LSM14A: variants seen among roughly 807,000 people sequenced by gnomAD.
LSM14A encodes protein LSM14 homolog A.
Under a neutral mutation model 52.4 loss-of-function variants are expected in LSM14A, and 14 were observed. The ratio of observed to expected loss-of-function variants is 0.27; its 90% CI spans 0.18 to 0.42. The LOEUF is 0.42. Ranked by LOEUF, LSM14A falls within the 10% of genes least tolerant of loss-of-function variation. The pLI is 1.00. For missense variants in LSM14A, 417 were observed against 581.8 expected (o/e 0.72, Z 2.91); for synonymous variants, 185 against 200.3 (o/e 0.92, Z 0.64).
chr19:34,199,999 C>T (rs137969154), intron 3 of LSM14A, among the ~76,000 whole-genome samples: 3 of 152,294 alleles, frequency 2.0e-5, no homozygotes, highest in East Asian at 3.9e-4. Context: ...TTACCAACTT[C>T]GTTGAGTGCT....
At chr19:34,208,177 T>G (rs1409947281) in intron 3 of LSM14A, 2 of 152,244 alleles carry the variant, frequency 1.3e-5, no homozygotes, top group African/African-American at 4.8e-5. Context: ...ACATTTATAT[T>G]TTGTAAAGAA....
chr19:34,207,047 G>T (rs546191826), intron 3 of LSM14A, among the ~76,000 whole-genome samples: 2 of 152,342 alleles, frequency 1.3e-5, no homozygotes, highest in Admixed American at 6.5e-5. Flanking sequence ...TTAACAAGAG[G>T]TGTTGCAGCA....
chr19:34,192,983 A>G (rs1428270329), intron 1 of LSM14A, among the ~76,000 whole-genome samples: 1 of 152,098 alleles, frequency 6.6e-6, no homozygotes. Context: ...CATCTCAAAA[A>G]AAAAGAAAAA....
chr19:34,219,082 CATTA>C (rs1188419580), intron 6 of LSM14A, among the ~76,000 whole-genome samples: 2 of 152,172 alleles, frequency 1.3e-5, no homozygotes, highest in Non-Finnish European at 2.9e-5. Context: ...AAGGAGCATA[CATTA>C]ATTTAGTGCA....
chr19:34,190,584 A>G (rs1405950243), intron 1 of LSM14A, among the ~76,000 whole-genome samples: 2 of 150,048 alleles, frequency 1.3e-5, no homozygotes, highest in African/African-American at 4.9e-5. Context: ...ACATGATGAG[A>G]GATGAAAGTG....
intron 6 of LSM14A, among the ~76,000 whole-genome samples, chr19:34,218,691 A>G (rs868850717): frequency 1.2e-4 from 18 of 152,152 alleles, no homozygotes; most frequent in Middle Eastern, 3.4e-3. Flanking sequence ...TTTCACTATA[A>G]ATTATGCTGC....
chr19:34,184,031 C>T (rs979143627), intron 1 of LSM14A, among the ~76,000 whole-genome samples: 3 of 149,174 alleles, frequency 2.0e-5, no homozygotes, highest in Non-Finnish European at 4.5e-5. Context: ...CTCTGATCTA[C>T]TTTCTTTTCT....
rs919083388 is a variant in LSM14A, at chr19:34,214,270, A to T, written c.539-854A>T. 2.0e-5 allele frequency among the ~76,000 whole-genome samples: 3 copies of T among 151,822 alleles called. No individual in the cohort carries two copies. The East Asian group carries it at 5.8e-4, about 29-fold the overall frequency. On this transcript the variant is annotated intron_variant, in intron 4 of 9. Coordinates refer to ENST00000544216, the MANE Select transcript of LSM14A (RefSeq NM_015578.4). ...CCTAAAGCATTAAAGAACTTCACCT[A>T]TCTAACTTTGTAGTTCTTTTACTTT...
At chr19:34,195,447 G>T (rs1465721060) in intron 2 of LSM14A, 1 of 151,878 alleles carries the variant, frequency 6.6e-6, no homozygotes, top group Non-Finnish European at 1.5e-5. Context: ...CAAAGTGCTG[G>T]GATTACAGGC....
intron 1 of LSM14A, among the ~76,000 whole-genome samples, chr19:34,179,208 A>C (rs2145490542): frequency 6.6e-6 from 1 of 152,360 alleles, no homozygotes; most frequent in Middle Eastern, 3.4e-3. Flanking sequence ...AGATTGGTGG[A>C]AGAATAGAAA....
chr19:34,173,213 T>G (rs147824884), intron 1 of LSM14A, among the ~76,000 whole-genome samples: 2 of 152,368 alleles, frequency 1.3e-5, no homozygotes, highest in East Asian at 3.9e-4. Flanking sequence ...GCGATCTTCC[T>G]CTGGTGAACT....
chr19:34,217,536 A>G (rs1010650540), intron 6 of LSM14A, among the ~76,000 whole-genome samples: 7 of 150,002 alleles, frequency 4.7e-5, no homozygotes, highest in African/African-American at 1.5e-4. Context: ...TAATTTTAGA[A>G]ATCTAGATAT....
At chr19:34,178,684 T>G (rs1002467847) in intron 1 of LSM14A, among the ~76,000 whole-genome samples, 4 of 152,254 alleles carry the variant, frequency 2.6e-5, no homozygotes, top group Non-Finnish European at 4.4e-5. Context: ...TTTTAGCTTA[T>G]TGTTCTTGTA....
intron 6 of LSM14A, among the ~76,000 whole-genome samples, chr19:34,218,161 G>A (rs1371731617): frequency 6.6e-6 from 1 of 151,922 alleles, no homozygotes; most frequent in Admixed American, 6.6e-5. Context: ...ACGCCACCAC[G>A]CCTGGCTAAT....
chr19:34,225,124 T>C (rs2073272825), intron 9 of LSM14A, among the ~76,000 whole-genome samples: 2 of 152,248 alleles, frequency 1.3e-5, no homozygotes, highest in South Asian at 4.1e-4. Context: ...CTACTTTTCT[T>C]TCCATGACAA....
intron 1 of LSM14A, among the ~76,000 whole-genome samples, chr19:34,177,002 C>T (rs148424674): frequency 5.1e-4 from 77 of 152,308 alleles, no homozygotes; most frequent in Admixed American, 4.2e-3. Context: ...TAGTTTTAAT[C>T]ATTTCCCTCA....
intron 1 of LSM14A, among the ~76,000 whole-genome samples, chr19:34,174,262 T>G (rs1328198499): frequency 6.6e-6 from 1 of 152,216 alleles, no homozygotes; most frequent in African/African-American, 2.4e-5. Flanking sequence ...GGTAAATCTT[T>G]TTAATAGCCC....
At chr19:34,201,190 C>T (rs2071259199) in intron 3 of LSM14A, among the ~76,000 whole-genome samples, 1 of 152,012 alleles carries the variant, frequency 6.6e-6, no homozygotes, top group South Asian at 2.1e-4. Flanking sequence ...TTTGCAGGGT[C>T]AGATTATTTT....
At chr19:34,201,076 A>C (rs2071251834) in intron 3 of LSM14A, among the ~76,000 whole-genome samples, 1 of 152,174 alleles carries the variant, frequency 6.6e-6, no homozygotes, top group East Asian at 1.9e-4. Flanking sequence ...GCTTTTATAA[A>C]TATTTTAATC....
Sources: allele counts gnomAD v4.1 joint callset (sites outside exome capture counted in the v4.1 genomes callset), GRCh38; gene constraint gnomAD v4.1.1; transcripts MANE v1.5; gene names NCBI Gene and HGNC (gene_info 2026-07-23, HGNC 2026-07-21).